The following SHISA6 variants were observed in gnomAD, a reference collection of about 807,000 sequenced individuals.
SHISA6 encodes shisa family member 6.
In SHISA6, 22 loss-of-function variants were observed where a neutral mutation model predicts 47.9. The ratio of observed to expected loss-of-function variants is 0.46; its 90% confidence interval spans 0.33 to 0.66. The LOEUF is 0.66. SHISA6 is among the 30% of genes least tolerant of loss of function. The pLI is 0.02. For missense variants in SHISA6, 680 were observed against 764.6 expected (o/e 0.89, Z 1.30); for synonymous variants, 388 against 337.8 (o/e 1.15, Z -1.63).
chr17:11,398,613 T>G (rs1421919248), intron 3 of SHISA6, among the ~76,000 whole-genome samples: 1 of 151,998 alleles, frequency 6.6e-6, no homozygotes, highest in Non-Finnish European at 1.5e-5. Context: ...GTTTTTTTTT[T>G]GACAGACTCT....
chr17:11,337,647 G>A (rs1911371973), intron 2 of SHISA6, among the ~76,000 whole-genome samples: 1 of 152,150 alleles, frequency 6.6e-6, no homozygotes, highest in African/African-American at 2.4e-5. Flanking sequence ...TTGAGAATCA[G>A]CTTATAGGTT....
intron 3 of SHISA6, among the ~76,000 whole-genome samples, chr17:11,473,611 AT>A (rs1915978923): frequency 1.3e-5 from 2 of 151,972 alleles, no homozygotes; most frequent in South Asian, 4.1e-4. Flanking sequence ...ATGGCAATTA[AT>A]TTTTTATATA....
intron 3 of SHISA6, among the ~76,000 whole-genome samples, chr17:11,481,114 A>G (rs554605144): frequency 1.3e-5 from 2 of 152,072 alleles, no homozygotes; most frequent in East Asian, 1.9e-4. Context: ...CCCTATCTCT[A>G]CTAAAAATGT....
chr17:11,260,961 A>G (rs920843029), intron 1 of SHISA6, among the ~76,000 whole-genome samples: 1 of 151,936 alleles, frequency 6.6e-6, no homozygotes, highest in Admixed American at 6.6e-5. Flanking sequence ...TTTCTTTCCT[A>G]CGGTTAGAAA....
intron 3 of SHISA6, among the ~76,000 whole-genome samples, chr17:11,462,053 T>A (rs1915705177): frequency 1.3e-5 from 2 of 152,118 alleles, no homozygotes; most frequent in African/African-American, 4.8e-5. Flanking sequence ...TGCAAGAAAT[T>A]TCAGGCAAAG....
At chr17:11,522,147 A>G (rs903441636) in intron 3 of SHISA6, among the ~76,000 whole-genome samples, 4 of 151,244 alleles carry the variant, frequency 2.6e-5, no homozygotes, top group Non-Finnish European at 5.9e-5. Flanking sequence ...TTGTATTTTT[A>G]GTAGAGACGG....
intron 3 of SHISA6, among the ~76,000 whole-genome samples, chr17:11,411,363 C>T (rs1914111207): frequency 6.6e-6 from 1 of 151,918 alleles, no homozygotes; most frequent in African/African-American, 2.4e-5. Flanking sequence ...GCTTTGAAGG[C>T]CCACATATTT....
intron 3 of SHISA6, among the ~76,000 whole-genome samples, chr17:11,409,347 T>G (rs1040770709): frequency 6.6e-6 from 1 of 152,140 alleles, no homozygotes; most frequent in Non-Finnish European, 1.5e-5. Flanking sequence ...AACAATAAAA[T>G]AGAAGGTCAT....
chr17:11,419,039 G>A (rs1171613437), intron 3 of SHISA6, among the ~76,000 whole-genome samples: 1 of 151,202 alleles, frequency 6.6e-6, no homozygotes, highest in Non-Finnish European at 1.5e-5. Context: ...ACAGGAAGGG[G>A]AACATCACAC....
intron 3 of SHISA6, among the ~76,000 whole-genome samples, chr17:11,439,820 T>C (rs1915050664): frequency 6.6e-6 from 1 of 152,182 alleles, no homozygotes; most frequent in Non-Finnish European, 1.5e-5. Context: ...GTCTAGTGCT[T>C]TTAGCGCTTT....
At chr17:11,423,342 G>T (rs891893442) in intron 3 of SHISA6, among the ~76,000 whole-genome samples, 2 of 135,320 alleles carry the variant, frequency 1.5e-5, no homozygotes, top group African/African-American at 6.3e-5. Flanking sequence ...TAGATAGATA[G>T]ATAGATAGAT....
intron 3 of SHISA6, among the ~76,000 whole-genome samples, chr17:11,474,009 T>C (rs1240127066): frequency 6.6e-6 from 1 of 152,080 alleles, no homozygotes; most frequent in African/African-American, 2.4e-5. Context: ...ACATGCAGTG[T>C]TTGGTTTTCT....
intron 2 of SHISA6, chr17:11,289,051 A>G (rs1430689256): frequency 6.6e-6 from 1 of 152,148 alleles, no homozygotes. Flanking sequence ...ATACACAACA[A>G]ATGTTTTTGT....
At chr17:11,489,562 A>T (rs1476987706) in intron 3 of SHISA6, among the ~76,000 whole-genome samples, 1 of 152,062 alleles carries the variant, frequency 6.6e-6, no homozygotes, top group Non-Finnish European at 1.5e-5. Context: ...GAATGAAAAA[A>T]CCCAACTCAG....
chr17:11,335,233 C>T (rs777069590), intron 2 of SHISA6, among the ~76,000 whole-genome samples: 38 of 152,216 alleles, frequency 2.5e-4, no homozygotes, highest in Non-Finnish European at 4.4e-4. Context: ...TATCCCATAT[C>T]GCAGGCCTCT....
intron 3 of SHISA6, among the ~76,000 whole-genome samples, chr17:11,506,510 T>C (rs1263969171): frequency 6.6e-6 from 1 of 152,206 alleles, no homozygotes; most frequent in African/African-American, 2.4e-5. Context: ...CCATCAGTTA[T>C]AATCAATCAT....
chr17:11,420,640 A>G (rs205043), intron 3 of SHISA6, among the ~76,000 whole-genome samples: 33,184 of 152,166 alleles, frequency 0.22, 4,619 homozygotes, highest in East Asian at 0.47. Context: ...GTAACACGCC[A>G]CAGGAAGGGT....
At chr17:11,266,419 G>C (rs1188525647) in intron 2 of SHISA6, among the ~76,000 whole-genome samples, 1 of 152,218 alleles carries the variant, frequency 6.6e-6, no homozygotes, top group African/African-American at 2.4e-5. Context: ...CTGTAATTTG[G>C]TGAAATCACT....
intron 5 of SHISA6, 66 bp downstream of exon 5, chr17:11,555,958 C>G (rs2071975040): frequency 1.4e-6 from 2 of 1,446,338 alleles, no homozygotes; most frequent in Non-Finnish European, 1.8e-6. Flanking sequence ...CTATGTCACA[C>G]TCTCTTGCTC....
Sources: gnomAD v4.1 joint callset for allele counts (sites outside exome capture counted in the v4.1 genomes callset) on GRCh38, gnomAD v4.1.1 for gene constraint, MANE v1.5 for transcripts, NCBI Gene and HGNC (gene_info 2026-07-23, HGNC 2026-07-21) for gene names.